Variants in GGACT observed in about 807,000 individuals in gnomAD.
GGACT encodes gamma-glutamylaminecyclotransferase.
For missense variants in GGACT, 241 were observed against 233.2 expected (o/e 1.03, Z -0.22); for synonymous variants, 118 against 115.3 (o/e 1.02, Z -0.15).
chr13:100,559,483 G>A (rs1300072359), intron 2 of GGACT, among the ~76,000 whole-genome samples: 3 of 151,556 alleles, frequency 2.0e-5, no homozygotes, highest in Non-Finnish European at 2.9e-5. Context: ...CACCGTGCCC[G>A]ACCTGTACAT....
chr13:100,567,798 T>G (rs891758198), intron 2 of GGACT, among the ~76,000 whole-genome samples: 5 of 152,214 alleles, frequency 3.3e-5, no homozygotes, highest in Non-Finnish European at 5.9e-5. Context: ...TTTTCTGCAT[T>G]TCTGTATTAA....
chr13:100,580,415 C>T (rs1875380791), intron 2 of GGACT, among the ~76,000 whole-genome samples: 1 of 152,184 alleles, frequency 6.6e-6, no homozygotes, highest in Admixed American at 6.5e-5. Flanking sequence ...AGGTGTGCGA[C>T]CACTTGCCGC....
chr13:100,561,800 C>T (rs1214115324), intron 2 of GGACT, among the ~76,000 whole-genome samples: 2 of 152,202 alleles, frequency 1.3e-5, no homozygotes, highest in African/African-American at 4.8e-5. Flanking sequence ...AATGACTGAA[C>T]CTCTCATCCT....
Position 100,532,537 on chromosome 13 carries a change from C to G in GGACT, c.55G>C (p.Val19Leu), listed in dbSNP as rs1490586249. ...TLKRGQPNHR[V>L]LRDGAHGSAA... The stretch of plus-strand genomic sequence containing the variant: ...GAGCCGTGGGCGCCGTCCCGCAGGA[C>G]CCTGTGGTTGGGCTGACCCCGCTTC... Residue 19 changes from valine (V) to leucine (L), a missense_variant, in exon 3 of 3, where the codon GTC (valine) becomes CTC (leucine). Physicochemically the swap from Val to Leu is conservative, Grantham distance 32. Transcript: ENST00000683975. 1 of 1,548,008 alleles carries G rather than the reference C, an allele frequency of 6.5e-7. No homozygotes were observed. Among genetic ancestry groups the G allele is most frequent in the East Asian group, 2.4e-5 (1 of 40,826 alleles).
intron 2 of GGACT, among the ~76,000 whole-genome samples, chr13:100,567,050 A>G (rs1874909325): frequency 6.6e-6 from 1 of 152,172 alleles, no homozygotes; most frequent in African/African-American, 2.4e-5. Context: ...TTCGGATGGT[A>G]TATCTTGAGC....
intron 2 of GGACT, among the ~76,000 whole-genome samples, chr13:100,572,206 T>C (rs1367406577): frequency 1.3e-5 from 2 of 152,152 alleles, no homozygotes; most frequent in African/African-American, 2.4e-5. Flanking sequence ...TTACAGAGCC[T>C]TGAAAAGACT....
At chr13:100,572,890 C>G (rs570439364) in intron 2 of GGACT, among the ~76,000 whole-genome samples, 3 of 152,000 alleles carry the variant, frequency 2.0e-5, no homozygotes, top group Admixed American at 2.0e-4. Context: ...CTTTCCTGAA[C>G]GAATATCTGG....
chr13:100,568,061 C>T (rs1384216067), intron 2 of GGACT, among the ~76,000 whole-genome samples: 2 of 152,182 alleles, frequency 1.3e-5, no homozygotes, highest in Non-Finnish European at 2.9e-5. Flanking sequence ...TCCCTGGAAG[C>T]CCCACACATT....
At chr13:100,571,456 C>T (rs1437062695) in intron 2 of GGACT, among the ~76,000 whole-genome samples, 1 of 151,714 alleles carries the variant, frequency 6.6e-6, no homozygotes, top group East Asian at 1.9e-4. Flanking sequence ...GTGGTGTAGA[C>T]AGAGAACATA....
At chr13:100,563,420 A>T (rs986152268) in intron 2 of GGACT, among the ~76,000 whole-genome samples, 1 of 152,204 alleles carries the variant, frequency 6.6e-6, no homozygotes, top group Non-Finnish European at 1.5e-5. Flanking sequence ...ACATAACATT[A>T]TGTACTAAAT....
At chr13:100,552,967 G>A (rs2088678717) in intron 2 of GGACT, among the ~76,000 whole-genome samples, 1 of 152,010 alleles carries the variant, frequency 6.6e-6, no homozygotes, top group Non-Finnish European at 1.5e-5. Context: ...CCCAGGAGCA[G>A]GCAGGCCAGG....
At chr13:100,540,277 G>C (rs2088541057) in intron 2 of GGACT, 4 of 1,147,988 alleles carry the variant, frequency 3.5e-6, no homozygotes, top group Non-Finnish European at 5.2e-6. Context: ...AGAGAGAGTG[G>C]GCTTTTCTTT....
At chr13:100,567,393 G>C (rs1381631599) in intron 2 of GGACT, among the ~76,000 whole-genome samples, 1 of 152,172 alleles carries the variant, frequency 6.6e-6, no homozygotes, top group East Asian at 1.9e-4. Flanking sequence ...CAGATGGGGT[G>C]AATTCCAGCA....
At position 100,545,101 on chromosome 13, in the gene GGACT, T is replaced by C. The variant is rs2088593007; in HGVS notation, c.-10-12500A>G. 6.6e-6 allele frequency among the ~76,000 whole-genome samples: 1 copy of C among 152,122 alleles called. No homozygotes were observed. The highest frequency in any genetic ancestry group is 1.5e-5 in the Non-Finnish European group (1 of 68,010). On this transcript the variant is annotated intron_variant, in intron 2 of 2. Coordinates refer to ENST00000683975, the MANE Select transcript of GGACT (RefSeq NM_001195087.2). The surrounding 1 kb of genome is among the most constrained non-coding windows in gnomAD (Gnocchi z 4.4). ...CCCAACACTGGAGATGCCGTCAACC[T>C]CGTCACACAGGGCCAACCTGCAGGC... is the stretch of plus-strand genomic sequence containing the variant.
intron 2 of GGACT, among the ~76,000 whole-genome samples, chr13:100,552,544 C>G (rs1212334612): frequency 6.6e-6 from 1 of 152,092 alleles, no homozygotes; most frequent in Non-Finnish European, 1.5e-5. Context: ...GTTATCAATC[C>G]CCACCTATTG....
chr13:100,532,506 GC>G lies in GGACT; in HGVS notation c.85del (p.Ala29ProfsTer15), dbSNP rs1354323605. 1.9e-6 allele frequency: 3 copies of G among 1,548,604 alleles called. No homozygotes were observed. Among genetic ancestry groups the G allele is most frequent in the Non-Finnish European group, 1.7e-6 (2 of 1,146,016 alleles). On this transcript the variant is annotated frameshift_variant, in exon 3 of 3. Transcript: ENST00000683975. LOFTEE classifies it low-confidence loss of function (END_TRUNC). Reference sequence around the variant, plus strand: ...CAGCGTGCGGCCGCGCGCCCGAAAGGCTGCGGAGCCGTGGGCGCCGTCCCGC... The same window carrying G: ...CAGCGTGCGGCCGCGCGCCCGAAAGGTGCGGAGCCGTGGGCGCCGTCCCGC... ...VLRDGAHGSA[A>X]FRARGRTLEP...
intron 1 of GGACT, among the ~76,000 whole-genome samples, chr13:100,587,503 A>G (rs939743752): frequency 6.6e-6 from 1 of 152,232 alleles, no homozygotes; most frequent in African/African-American, 2.4e-5. Flanking sequence ...TCTTCTGGGA[A>G]TAGTTTCAGG....
chr13:100,542,315 C>T (rs1368311566), intron 2 of GGACT, among the ~76,000 whole-genome samples: 1 of 152,216 alleles, frequency 6.6e-6, no homozygotes, highest in African/African-American at 2.4e-5. Flanking sequence ...GATCGTCCTT[C>T]ATGACGCTGT....
chr13:100,573,201 T>C (rs1875139382), intron 2 of GGACT, among the ~76,000 whole-genome samples: 2 of 152,118 alleles, frequency 1.3e-5, no homozygotes, highest in African/African-American at 4.8e-5. Context: ...AGTCCTTACC[T>C]TTGAACGTCA....
Sources: allele counts gnomAD v4.1 joint callset (sites outside exome capture counted in the v4.1 genomes callset), GRCh38; gene constraint gnomAD v4.1.1; non-coding constraint Gnocchi (gnomAD v3.1); transcripts MANE v1.5; gene names NCBI Gene and HGNC (gene_info 2026-07-23, HGNC 2026-07-21).